NFIL3: variants seen among roughly 807,000 people sequenced by gnomAD.
NFIL3 encodes nuclear factor, interleukin 3 regulated.
In NFIL3, 5 loss-of-function variants were observed where a neutral mutation model predicts 10.0. The observed-to-expected ratio is 0.50, with a 90% CI of 0.26 to 1.06. NFIL3 has a LOEUF of 1.06. Ranked by LOEUF, NFIL3 falls within the 50% of genes least tolerant of loss-of-function variation. The pLI, the probability that NFIL3 is intolerant of heterozygous loss-of-function variation, is 0.13. For missense variants in NFIL3, 436 were observed against 547.6 expected (o/e 0.80, Z 2.03); for synonymous variants, 202 against 206.5 (o/e 0.98, Z 0.19).
the NFIL3 span, among the ~76,000 whole-genome samples, chr9:91,480,147 T>A: frequency 1.1e-3 from 168 of 148,176 alleles, 3 homozygotes; most frequent in African/African-American, 3.8e-3. Context: ...ATCTAATATT[T>A]TTTTTTTTTT....
the NFIL3 span, among the ~76,000 whole-genome samples, chr9:91,467,829 T>A: frequency 2.0e-5 from 3 of 152,188 alleles, no homozygotes; most frequent in African/African-American, 7.2e-5. Flanking sequence ...GAATGATGGT[T>A]TCCAGCTTCA....
the NFIL3 span, among the ~76,000 whole-genome samples, chr9:91,469,590 A>G: frequency 2.0e-5 from 3 of 151,980 alleles, no homozygotes; most frequent in Non-Finnish European, 4.4e-5. Flanking sequence ...GGGGAGAGAG[A>G]GCATCCCTGT....
chr9:91,432,049 G>A, the NFIL3 span, among the ~76,000 whole-genome samples: 2 of 152,222 alleles, frequency 1.3e-5, no homozygotes, highest in Non-Finnish European at 2.9e-5. Context: ...TTACAGATGG[G>A]CACCTCCCAT....
At chr9:91,423,324 C>G (rs1344417644) in intron 1 of NFIL3, among the ~76,000 whole-genome samples, 1 of 152,170 alleles carries the variant, frequency 6.6e-6, no homozygotes, top group Non-Finnish European at 1.5e-5. Context: ...TCTTCTTTAC[C>G]AAAACATCAA....
the NFIL3 span, among the ~76,000 whole-genome samples, chr9:91,478,347 C>A: frequency 6.6e-6 from 1 of 151,998 alleles, no homozygotes; most frequent in Non-Finnish European, 1.5e-5. Context: ...TTTGTTCATT[C>A]CTTTTCACTC....
intron 1 of NFIL3, among the ~76,000 whole-genome samples, chr9:91,414,793 A>G (rs1833620382): frequency 6.6e-6 from 1 of 152,196 alleles, no homozygotes; most frequent in South Asian, 2.1e-4. Flanking sequence ...AATCATATAC[A>G]CTGTGTGTGT....
chr9:91,477,775 A>G, the NFIL3 span, among the ~76,000 whole-genome samples: 1 of 152,126 alleles, frequency 6.6e-6, no homozygotes, highest in East Asian at 1.9e-4. Context: ...GAGACCCCAA[A>G]AGTGGGGAGA....
At chr9:91,468,451 G>C in the NFIL3 span, among the ~76,000 whole-genome samples, 1 of 152,136 alleles carries the variant, frequency 6.6e-6, no homozygotes, top group Non-Finnish European at 1.5e-5. Context: ...TTTGTCCGAT[G>C]AGTAGATTGC....
At chr9:91,432,642 T>C in the NFIL3 span, among the ~76,000 whole-genome samples, 4 of 145,658 alleles carry the variant, frequency 2.7e-5, no homozygotes, top group African/African-American at 4.9e-5. Flanking sequence ...AGAACCTATA[T>C]ATTCCAGTGA....
chr9:91,444,369 T>C, the NFIL3 span, among the ~76,000 whole-genome samples: 9 of 152,260 alleles, frequency 5.9e-5, no homozygotes, highest in African/African-American at 2.2e-4. Flanking sequence ...TGTATTCTTT[T>C]GTATCTTCCT....
rs1031159588 is a variant in NFIL3, at chr9:91,413,099, G to C, written c.-172-2193C>G. ...AACATAGTTAAGGGAACAGCTAGTC[G>C]TAACTCAGAGAAATTTGTGATTATT... On this transcript the variant is annotated intron_variant, in intron 1 of 1. Transcript: ENST00000297689. 6.6e-5 allele frequency among the ~76,000 whole-genome samples: 10 copies of C among 152,208 alleles called. No individual in the cohort carries two copies. In the East Asian group the frequency reaches 1.7e-3, roughly 26 times the overall value.
intron 1 of NFIL3, among the ~76,000 whole-genome samples, chr9:91,422,433 G>C (rs924551413): frequency 6.7e-6 from 1 of 149,178 alleles, no homozygotes; most frequent in Non-Finnish European, 1.5e-5. Flanking sequence ...ATGCTTACCC[G>C]GTTGTCTACT....
At chr9:91,468,766 T>C in the NFIL3 span, among the ~76,000 whole-genome samples, 1 of 152,218 alleles carries the variant, frequency 6.6e-6, no homozygotes, top group Non-Finnish European at 1.5e-5. Flanking sequence ...ACCAAGCCAG[T>C]TTTCCCAGCA....
chr9:91,409,839 A>T lies in NFIL3; in HGVS notation c.896T>A (p.Ile299Asn). Residue 299 changes from isoleucine (I) to asparagine (N), a missense_variant, in exon 2 of 2, where the codon ATC (isoleucine) becomes AAC (asparagine). Physicochemically the swap from Ile to Asn is moderately radical, Grantham distance 149 (BLOSUM62 -3). Coordinates refer to ENST00000297689, the MANE Select transcript of NFIL3 (RefSeq NM_005384.3). ...EDEQQVPKGP[I>N]HSPVELKHVH... ...ATGCTTGAGTTCAACTGGAGAATGGATGGGGCCCTTGGGGACCTGTTGCTC... is the reference window on the plus strand; with the variant it reads ...ATGCTTGAGTTCAACTGGAGAATGGTTGGGGCCCTTGGGGACCTGTTGCTC... The T allele has an allele frequency of 6.2e-7, 1 of 1,614,046 alleles. No homozygotes were observed. Among genetic ancestry groups the T allele is most frequent in the Non-Finnish European group, 8.5e-7 (1 of 1,180,022 alleles).
chr9:91,450,240 T>A, the NFIL3 span, among the ~76,000 whole-genome samples: 1 of 152,046 alleles, frequency 6.6e-6, no homozygotes, highest in Admixed American at 6.5e-5. Flanking sequence ...CTTCCTTATC[T>A]TACCTTTGAA....
At chr9:91,419,164 G>C (rs1421659697) in intron 1 of NFIL3, among the ~76,000 whole-genome samples, 1 of 152,136 alleles carries the variant, frequency 6.6e-6, no homozygotes, top group Non-Finnish European at 1.5e-5. Context: ...ATTTTGAATT[G>C]AATCCCAAGT....
At chr9:91,478,849 A>C in the NFIL3 span, among the ~76,000 whole-genome samples, 1 of 151,814 alleles carries the variant, frequency 6.6e-6, no homozygotes, top group African/African-American at 2.4e-5. Context: ...CTTTTTGTTG[A>C]TGTTGATGCT....
chr9:91,476,735 C>G, the NFIL3 span, among the ~76,000 whole-genome samples: 15 of 152,150 alleles, frequency 9.9e-5, no homozygotes, highest in African/African-American at 3.6e-4. Context: ...TTCAACATTT[C>G]TTACTGAATA....
chr9:91,425,229 G>C (rs1393819409), upstream of NFIL3, among the ~76,000 whole-genome samples: 2 of 152,188 alleles, frequency 1.3e-5, no homozygotes, highest in African/African-American at 4.8e-5. Flanking sequence ...CCAAAGTAAA[G>C]AGAAGAGCAG....
Sources: allele counts gnomAD v4.1 joint callset (sites outside exome capture counted in the v4.1 genomes callset), GRCh38; gene constraint gnomAD v4.1.1; transcripts MANE v1.5; gene names NCBI Gene and HGNC (gene_info 2026-07-23, HGNC 2026-07-21).